RPS6KC1: variants seen among roughly 807,000 people sequenced by gnomAD.
RPS6KC1 encodes inactive ribosomal protein S6 kinase delta-1.
A neutral mutation model predicts 103.8 loss-of-function variants in RPS6KC1; 54 were observed. The ratio of observed to expected loss-of-function variants is 0.52; its 90% CI spans 0.42 to 0.65. The LOEUF is 0.65. RPS6KC1 is among the 30% of genes least tolerant of loss of function. The pLI, the probability that RPS6KC1 is intolerant of heterozygous loss-of-function variation, is 0.00. For missense variants in RPS6KC1, 1,151 were observed against 1,253.8 expected (o/e 0.92, Z 1.24); for synonymous variants, 439 against 438.7 (o/e 1.00, Z -0.01).
the RPS6KC1 span, among the ~76,000 whole-genome samples, chr1:213,732,805 C>T: frequency 6.6e-6 from 1 of 151,964 alleles, no homozygotes; most frequent in Non-Finnish European, 1.5e-5. Flanking sequence ...TCTTCAATTC[C>T]CCTCCCCAAT....
the RPS6KC1 span, among the ~76,000 whole-genome samples, chr1:213,690,992 G>A: frequency 6.6e-6 from 1 of 152,050 alleles, no homozygotes; most frequent in East Asian, 1.9e-4. Context: ...GGCATCATCA[G>A]AACAGCAAGA....
At chr1:213,740,695 CAT>C in the RPS6KC1 span, among the ~76,000 whole-genome samples, 17 of 149,982 alleles carry the variant, frequency 1.1e-4, no homozygotes, top group African/African-American at 4.2e-4. Context: ...TATATGTACA[CAT>C]ATATACATCT....
the RPS6KC1 span, among the ~76,000 whole-genome samples, chr1:213,587,537 A>G: frequency 1.0e-3 from 152 of 152,358 alleles, no homozygotes; most frequent in African/African-American, 3.5e-3. Flanking sequence ...GAATGGGCCT[A>G]ACCTAATGCT....
chr1:213,812,345 T>G, the RPS6KC1 span, among the ~76,000 whole-genome samples: 1 of 152,196 alleles, frequency 6.6e-6, no homozygotes, highest in Non-Finnish European at 1.5e-5. Context: ...ACTGTCTGAG[T>G]TAATCTCAGG....
chr1:213,201,637 A>G (rs1185869006), intron 8 of RPS6KC1, among the ~76,000 whole-genome samples: 1 of 152,174 alleles, frequency 6.6e-6, no homozygotes, highest in Non-Finnish European at 1.5e-5. Context: ...CACATGTGCC[A>G]CTCTGGTACA....
the RPS6KC1 span, among the ~76,000 whole-genome samples, chr1:213,599,432 A>AG: frequency 1.2e-5 from 1 of 82,476 alleles, no homozygotes; most frequent in African/African-American, 3.2e-5. Context: ...CTAACACTGG[A>AG]GAAAAAAAAA....
At chr1:213,103,734 T>C (rs2082223826) in intron 3 of RPS6KC1, among the ~76,000 whole-genome samples, 1 of 152,226 alleles carries the variant, frequency 6.6e-6, no homozygotes, top group Non-Finnish European at 1.5e-5. Flanking sequence ...GCAATCAGTA[T>C]GATATATGGC....
the RPS6KC1 span, among the ~76,000 whole-genome samples, chr1:213,745,379 C>T: frequency 8.1e-4 from 120 of 147,810 alleles, no homozygotes; most frequent in African/African-American, 2.6e-3. Context: ...GGAATCAAAA[C>T]GCCTCTCTGG....
At chr1:213,639,524 G>GT in the RPS6KC1 span, among the ~76,000 whole-genome samples, 1 of 151,960 alleles carries the variant, frequency 6.6e-6, no homozygotes, top group Non-Finnish European at 1.5e-5. Context: ...TAGCTGAAGA[G>GT]TTTTTTGGGA....
At chr1:213,414,603 C>G in the RPS6KC1 span, among the ~76,000 whole-genome samples, 2 of 152,148 alleles carry the variant, frequency 1.3e-5, no homozygotes, top group Admixed American at 6.5e-5. Flanking sequence ...GGGACCAGCC[C>G]CTTCTGACCA....
chr1:213,393,983 A>T, the RPS6KC1 span, among the ~76,000 whole-genome samples: 3 of 152,202 alleles, frequency 2.0e-5, no homozygotes, highest in Admixed American at 1.3e-4. Context: ...CAGCGCAGGG[A>T]TTAGCCACAG....
At chr1:213,077,297 G>A (rs978124293) in intron 2 of RPS6KC1, among the ~76,000 whole-genome samples, 2 of 152,128 alleles carry the variant, frequency 1.3e-5, no homozygotes, top group African/African-American at 4.8e-5. Flanking sequence ...CTCATTTGCA[G>A]GCCAATTGTA....
the RPS6KC1 span, among the ~76,000 whole-genome samples, chr1:213,465,089 G>A: frequency 1.6e-4 from 25 of 152,286 alleles, no homozygotes; most frequent in African/African-American, 6.0e-4. Context: ...TTCAAGGGCA[G>A]TCCTAGATCC....
chr1:213,052,894 G>A (rs1388440034), intron 1 of RPS6KC1, among the ~76,000 whole-genome samples: 1 of 152,164 alleles, frequency 6.6e-6, no homozygotes, highest in Non-Finnish European at 1.5e-5. Context: ...GGAGTGGCAC[G>A]TGATGTATGG....
chr1:213,190,713 A>G (rs762525550), intron 8 of RPS6KC1, among the ~76,000 whole-genome samples: 1 of 152,154 alleles, frequency 6.6e-6, no homozygotes, highest in Non-Finnish European at 1.5e-5. Flanking sequence ...GTATTACTCA[A>G]TAAATTTTTG....
intron 6 of RPS6KC1, among the ~76,000 whole-genome samples, chr1:213,131,175 A>G (rs1381395993): frequency 6.6e-6 from 1 of 152,148 alleles, no homozygotes. Context: ...TTGTGTGTAT[A>G]GCAATAAGAG....
the RPS6KC1 span, among the ~76,000 whole-genome samples, chr1:213,605,329 C>T: frequency 6.6e-6 from 1 of 152,196 alleles, no homozygotes; most frequent in Non-Finnish European, 1.5e-5. Flanking sequence ...ATGGACAGAG[C>T]TATTGGGCAC....
the RPS6KC1 span, among the ~76,000 whole-genome samples, chr1:213,398,511 G>T: frequency 6.6e-6 from 1 of 152,210 alleles, no homozygotes; most frequent in African/African-American, 2.4e-5. Context: ...ACGGGAATGG[G>T]TTTTGCTGAG....
chr1:213,142,415 T>C (rs564756048), intron 6 of RPS6KC1, among the ~76,000 whole-genome samples: 10 of 152,230 alleles, frequency 6.6e-5, no homozygotes, highest in African/African-American at 1.9e-4. Context: ...TACGGTCTTT[T>C]GGATGTAAGG....
Sources: gnomAD v4.1 joint callset for allele counts (sites outside exome capture counted in the v4.1 genomes callset) on GRCh38, gnomAD v4.1.1 for gene constraint, MANE v1.5 for transcripts, NCBI Gene and HGNC (gene_info 2026-07-23, HGNC 2026-07-21) for gene names.